The following DAPK1 variants were observed in gnomAD, a reference collection of about 807,000 sequenced individuals.
The protein encoded by DAPK1 is death associated protein kinase 1, also known as death-associated protein kinase 1.
A neutral mutation model predicts 144.9 loss-of-function variants in DAPK1; 56 were observed. That is an observed-to-expected ratio of 0.39 (90% CI 0.31 to 0.48). The LOEUF (loss-of-function observed/expected upper bound fraction) is 0.48. Among genes scored for constraint, DAPK1 ranks in the 20% least tolerant of loss-of-function variants. The pLI, the probability that DAPK1 is intolerant of heterozygous loss-of-function variation, is 0.95. For missense variants in DAPK1, 1,454 were observed against 1,875.4 expected, an observed-to-expected ratio of 0.78 and a Z score of 4.15; for synonymous variants, 690 against 749.0, an observed-to-expected ratio of 0.92 and a Z score of 1.29.
Position 87,707,794 on chromosome 9 carries a change from T to C in DAPK1, c.*430T>C. 1 of 455,690 alleles carries C rather than the reference T, an allele frequency of 2.2e-6. No individual in the cohort carries two copies. The highest frequency in any genetic ancestry group is 4.4e-6 in the Non-Finnish European group (1 of 227,890). 28.2% of individuals were successfully genotyped at this position (455,690 alleles called of 1,614,324 possible). A position where few individuals can be genotyped will look rare whatever the true frequency, so the allele number is the denominator to read the frequency against. On this transcript the variant is annotated 3_prime_UTR_variant, in exon 26 of 26. Transcript: ENST00000408954. This position sits in a 1 kb window ranked among gnomAD's most constrained non-coding sequence, Gnocchi z 4.0. Reference sequence around the variant, plus strand: ...AATGTGTATTTCTTATACGCTTTTCTTTGTTATACCATTTCCTCAGCTTAT... The same window carrying C: ...AATGTGTATTTCTTATACGCTTTTCCTTGTTATACCATTTCCTCAGCTTAT...
chr9:87,594,375 C>T lies in DAPK1; in HGVS notation c.63-10579C>T, dbSNP rs567111108. 1.9e-3 allele frequency among the ~76,000 whole-genome samples: 287 copies of T among 152,288 alleles called. 1 individual carries two copies. Among genetic ancestry groups the T allele is most frequent in the Middle Eastern group, 6.8e-3 (2 of 294 alleles). On this transcript the variant is annotated intron_variant, in intron 2 of 25. Coordinates refer to ENST00000408954, the MANE Select transcript of DAPK1 (RefSeq NM_004938.4). ...CAGTTCACGTATCCTTTAGCTGGAGCCAGGGTCCCTGCTGACTCTGCACAC... is the reference window on the plus strand; with the variant it reads ...CAGTTCACGTATCCTTTAGCTGGAGTCAGGGTCCCTGCTGACTCTGCACAC...
At chr9:87,506,526 G>A (rs1824602335) in intron 2 of DAPK1, among the ~76,000 whole-genome samples, 1 of 152,212 alleles carries the variant, frequency 6.6e-6, no homozygotes, top group Admixed American at 6.5e-5. Flanking sequence ...TAACTTTTGA[G>A]TTATGTAATG....
chr9:87,576,189 CGT>C (rs148039347), intron 2 of DAPK1, among the ~76,000 whole-genome samples: 111 of 152,234 alleles, frequency 7.3e-4, no homozygotes, highest in Non-Finnish European at 1.1e-3. Context: ...CACACACATG[CGT>C]ACACACGTAC....
intron 2 of DAPK1, among the ~76,000 whole-genome samples, chr9:87,574,580 G>T (rs79520978): frequency 0.018 from 2,753 of 152,280 alleles, 111 homozygotes; most frequent in East Asian, 0.1. Flanking sequence ...CAGCTGGCAT[G>T]GAGTGCAAAT....
intron 2 of DAPK1, among the ~76,000 whole-genome samples, chr9:87,533,776 C>CCT (rs940649079): frequency 2.6e-5 from 4 of 152,214 alleles, no homozygotes; most frequent in Non-Finnish European, 5.9e-5. Flanking sequence ...GATTCTCCTG[C>CCT]CTCAGCCTTC....
At chr9:87,691,877 G>A (rs934093665) in intron 21 of DAPK1, among the ~76,000 whole-genome samples, 1 of 151,928 alleles carries the variant, frequency 6.6e-6, no homozygotes, top group African/African-American at 2.4e-5. Flanking sequence ...TTTTACATTT[G>A]TTGAGACTTT....
chr9:87,643,707 A>C, intron 11 of DAPK1, among the ~76,000 whole-genome samples: 1 of 151,096 alleles, frequency 6.6e-6, no homozygotes, highest in Non-Finnish European at 1.5e-5. Flanking sequence ...CTCTAACACT[A>C]CCCTCCACCT....
At chr9:87,597,746 G>A (rs1253675649) in intron 2 of DAPK1, among the ~76,000 whole-genome samples, 2 of 152,092 alleles carry the variant, frequency 1.3e-5, no homozygotes, top group Non-Finnish European at 1.5e-5. Context: ...CTGTTTGTGT[G>A]TCTGACCTGA....
At chr9:87,581,119 T>G (rs951034694) in intron 2 of DAPK1, among the ~76,000 whole-genome samples, 1 of 151,234 alleles carries the variant, frequency 6.6e-6, no homozygotes, top group Non-Finnish European at 1.5e-5. Context: ...AATCATCATG[T>G]AAAAGTCTGT....
chr9:87,658,476 C>G lies in DAPK1; in HGVS notation c.1923+349C>G, dbSNP rs532035312. 2.0e-5 allele frequency among the ~76,000 whole-genome samples: 3 copies of G among 152,286 alleles called. No homozygotes were observed. In the South Asian group the frequency reaches 6.2e-4, roughly 32 times the overall value. ...CCTCTGCCCCAGGGTGCTGGAGCCC[C>G]TGCCCTTTAGAAGGAGCTGGGGGAG... On this transcript the variant is annotated intron_variant, in intron 18 of 25. Transcript: ENST00000408954.
chr9:87,663,181 G>A (rs1363731044), intron 18 of DAPK1, among the ~76,000 whole-genome samples: 2 of 152,004 alleles, frequency 1.3e-5, no homozygotes, highest in Non-Finnish European at 2.9e-5. Context: ...ACCCTCCACT[G>A]TCTTGCCTTC....
chr9:87,528,464 C>T (rs1347244003), intron 2 of DAPK1, among the ~76,000 whole-genome samples: 2 of 152,060 alleles, frequency 1.3e-5, no homozygotes, highest in Admixed American at 6.6e-5. Flanking sequence ...GTGATCCACC[C>T]GCCTCGGCCT....
intron 3 of DAPK1, among the ~76,000 whole-genome samples, chr9:87,622,795 C>T (rs1829346246): frequency 6.6e-6 from 1 of 151,998 alleles, no homozygotes; most frequent in South Asian, 2.1e-4. Flanking sequence ...CCTGTAATCC[C>T]AGCTACTCGG....
chr9:87,640,194 G>A, intron 7 of DAPK1, 104 bp from the exon 8 acceptor site: 9 of 1,145,330 alleles, frequency 7.9e-6, no homozygotes, highest in Non-Finnish European at 1.1e-5. Context: ...GACTATTCGA[G>A]CACCAGATTA....
At position 87,670,889 on chromosome 9, in the gene DAPK1, G is replaced by A. The variant is rs542142011; in HGVS notation, c.2001+2215G>A. Among the ~76,000 whole-genome samples, 4 of 152,314 alleles carry A rather than the reference G, an allele frequency of 2.6e-5. No individual in the cohort carries two copies. The South Asian group carries it at 6.2e-4, about 24-fold the overall frequency. On this transcript the variant is annotated intron_variant, in intron 19 of 25. Transcript: ENST00000408954. Reference sequence around the variant, plus strand: ...CCCACCTCATGCAGAGGGAGGAGGCGTCTCGTGGGCTGTGCTGTGTTCTGC... The same window carrying A: ...CCCACCTCATGCAGAGGGAGGAGGCATCTCGTGGGCTGTGCTGTGTTCTGC...
intron 2 of DAPK1, among the ~76,000 whole-genome samples, chr9:87,549,745 C>G (rs1826402914): frequency 6.6e-6 from 1 of 152,228 alleles, no homozygotes; most frequent in South Asian, 2.1e-4. Context: ...CGTAGCAGAG[C>G]ACCAAAAGAA....
At chr9:87,600,957 T>C (rs1475373501) in intron 2 of DAPK1, among the ~76,000 whole-genome samples, 2 of 152,174 alleles carry the variant, frequency 1.3e-5, no homozygotes, top group African/African-American at 2.4e-5. Context: ...GATCATGGTA[T>C]TCCTCTGAGG....
chr9:87,640,469 G>T lies in DAPK1; in HGVS notation c.782+19G>T, dbSNP rs1349715024. 6.2e-7 allele frequency: 1 copy of T among 1,612,088 alleles called. No homozygotes were observed. Among genetic ancestry groups the T allele is most frequent in the Admixed American group, 1.7e-5 (1 of 59,866 alleles). On this transcript the variant is annotated intron_variant, in intron 8 of 25. Transcript: ENST00000408954. The stretch of plus-strand genomic sequence containing the variant: ...ATCCAAAGTGAGTGTCCACGTTCCT[G>T]AAAGGTGCTTGGCCACGGCCTCAGC...
intron 21 of DAPK1, among the ~76,000 whole-genome samples, chr9:87,688,902 G>A (rs1205823475): frequency 6.6e-6 from 1 of 152,076 alleles, no homozygotes; most frequent in Non-Finnish European, 1.5e-5. Context: ...TGTTTACTCT[G>A]TTGACAATTT....
Sources: gnomAD v4.1 joint callset for allele counts (sites outside exome capture counted in the v4.1 genomes callset) on GRCh38, gnomAD v4.1.1 for gene constraint, Gnocchi (gnomAD v3.1) non-coding constraint, MANE v1.5 for transcripts, NCBI Gene and HGNC (gene_info 2026-07-23, HGNC 2026-07-21) for gene names.